CCDC171: variants seen among roughly 807,000 people sequenced by gnomAD.
The protein encoded by CCDC171 is coiled-coil domain containing 171, also known as coiled-coil domain-containing protein 171.
Under a neutral mutation model 168.2 loss-of-function variants are expected in CCDC171, and 177 were observed. The ratio of observed to expected loss-of-function variants is 1.05; its 90% CI spans 0.93 to 1.19. The LOEUF is 1.19. Among genes scored for constraint, CCDC171 ranks in the 50% most tolerant of loss-of-function variants. CCDC171 has a pLI of 0.00. For synonymous variants in CCDC171, 687 were observed against 540.8 expected (o/e 1.27, Z -3.75); for missense variants, 1,991 against 1,539.0 (o/e 1.29, Z -4.91).
chr9:15,944,823 C>G (rs1231452989), intron 25 of CCDC171, among the ~76,000 whole-genome samples: 1 of 33,776 alleles, frequency 3.0e-5, no homozygotes, highest in African/African-American at 9.3e-5. Flanking sequence ...GGTTAGAATT[C>G]TTTTTCTTTC....
intron 7 of CCDC171, among the ~76,000 whole-genome samples, chr9:15,650,935 C>A (rs1288029603): frequency 6.6e-6 from 1 of 152,076 alleles, no homozygotes; most frequent in East Asian, 1.9e-4. Flanking sequence ...CCCTACTCTG[C>A]TATCTAACTT....
chr9:15,599,506 G>A (rs898270375), intron 6 of CCDC171, among the ~76,000 whole-genome samples: 2 of 152,134 alleles, frequency 1.3e-5, no homozygotes, highest in African/African-American at 2.4e-5. Flanking sequence ...TAGATTTTCT[G>A]CCGAGAGATC....
intron 6 of CCDC171, among the ~76,000 whole-genome samples, chr9:15,597,309 A>T (rs951755807): frequency 1.3e-5 from 2 of 152,080 alleles, no homozygotes; most frequent in Admixed American, 6.6e-5. Context: ...TATTATTTTG[A>T]GATACGTCCC....
intron 21 of CCDC171, among the ~76,000 whole-genome samples, chr9:15,836,288 G>A (rs1563839523): frequency 6.6e-6 from 1 of 152,170 alleles, no homozygotes; most frequent in African/African-American, 2.4e-5. Flanking sequence ...TGCTTCATAT[G>A]TCCATACCCC....
chr9:15,587,166 A>T (rs2041631126), intron 4 of CCDC171, among the ~76,000 whole-genome samples: 1 of 151,824 alleles, frequency 6.6e-6, no homozygotes, highest in South Asian at 2.1e-4. Context: ...GGATTTCTAC[A>T]CTCTATGCCG....
At chr9:15,702,235 A>G (rs2051809681) in intron 11 of CCDC171, among the ~76,000 whole-genome samples, 2 of 152,104 alleles carry the variant, frequency 1.3e-5, no homozygotes, top group African/African-American at 4.8e-5. Context: ...GAGCTGTTCC[A>G]ACTTGTCATC....
intron 11 of CCDC171, among the ~76,000 whole-genome samples, chr9:15,699,132 G>C (rs1237563835): frequency 2.0e-5 from 3 of 152,204 alleles, no homozygotes; most frequent in East Asian, 1.9e-4. Flanking sequence ...TGTTCCTTCT[G>C]GTGTTCAGAT....
At chr9:15,803,488 A>C (rs1478321210) in intron 21 of CCDC171, among the ~76,000 whole-genome samples, 1 of 152,080 alleles carries the variant, frequency 6.6e-6, no homozygotes, top group East Asian at 1.9e-4. Flanking sequence ...ATGGCTACCC[A>C]GTTCTCCCAG....
At position 15,835,124 on chromosome 9, in the gene CCDC171, G is replaced by A. The variant is rs189851097; in HGVS notation, c.3268-11578G>A. 1.8e-4 allele frequency among the ~76,000 whole-genome samples: 27 copies of A among 152,226 alleles called. No individual in the cohort carries two copies. The East Asian group carries it at 5.0e-3, about 28-fold the overall frequency. On this transcript the variant is annotated intron_variant, in intron 21 of 25. Coordinates refer to ENST00000380701, the MANE Select transcript of CCDC171 (RefSeq NM_173550.4). ...TTTGACAAAATCCTGGGAATCAGAT[G>A]GATATGTATTATGATGTGACTATTA...
intron 18 of CCDC171, among the ~76,000 whole-genome samples, chr9:15,774,195 G>A (rs1223994870): frequency 1.5e-5 from 2 of 132,898 alleles, no homozygotes; most frequent in African/African-American, 2.8e-5. Flanking sequence ...GCAGTGACCC[G>A]AGATCTCATC....
chr9:15,799,774 C>T (rs898805932), intron 21 of CCDC171, among the ~76,000 whole-genome samples: 1 of 152,014 alleles, frequency 6.6e-6, no homozygotes, highest in South Asian at 2.1e-4. Context: ...ACATTCCCCA[C>T]TACTCTTCTC....
At chr9:15,878,816 G>C (rs949801755) in intron 24 of CCDC171, among the ~76,000 whole-genome samples, 1 of 152,142 alleles carries the variant, frequency 6.6e-6, no homozygotes, top group South Asian at 2.1e-4. Flanking sequence ...ACGAGATCAT[G>C]TTTTTTGTGG....
At chr9:15,599,789 C>G (rs1046383141) in intron 6 of CCDC171, among the ~76,000 whole-genome samples, 6 of 152,162 alleles carry the variant, frequency 3.9e-5, no homozygotes, top group African/African-American at 1.4e-4. Flanking sequence ...GTACACCCAT[C>G]AGACGTAGAT....
In CCDC171 at chr9:15,805,712, C is replaced by G. The variant is rs57232765; in HGVS notation, c.3267+21018C>G. Among the ~76,000 whole-genome samples, 1,092 of 152,146 alleles carry G rather than the reference C, an allele frequency of 7.2e-3. 9 individuals are homozygous for G. The highest frequency in any genetic ancestry group is 0.025 in the African/African-American group (1,038 of 41,538). On this transcript the variant is annotated intron_variant, in intron 21 of 25. Coordinates refer to ENST00000380701, the MANE Select transcript of CCDC171 (RefSeq NM_173550.4). ...TAAGTGCTGTGTGGAGATGAGAAGA[C>G]TGTATATTCTGTTGTTTTTGGGTGA...
At chr9:15,960,048 A>C (rs1198051489) in intron 25 of CCDC171, among the ~76,000 whole-genome samples, 1 of 152,168 alleles carries the variant, frequency 6.6e-6, no homozygotes. Context: ...TGGGGAATCC[A>C]CAGGGGTGTT....
At chr9:15,862,693 C>T (rs1294881508) in intron 23 of CCDC171, among the ~76,000 whole-genome samples, 1 of 151,618 alleles carries the variant, frequency 6.6e-6, no homozygotes, top group East Asian at 1.9e-4. Flanking sequence ...CCAGAGAAGA[C>T]CTTCACCAAT....
chr9:15,756,189 G>A (rs2056102797), intron 18 of CCDC171, among the ~76,000 whole-genome samples: 1 of 151,894 alleles, frequency 6.6e-6, no homozygotes, highest in African/African-American at 2.4e-5. Flanking sequence ...AACATAGAGA[G>A]GATTTACTTT....
At chr9:15,940,703 A>G (rs1028949190) in intron 25 of CCDC171, among the ~76,000 whole-genome samples, 1 of 151,894 alleles carries the variant, frequency 6.6e-6, no homozygotes, top group African/African-American at 2.4e-5. Context: ...TTGAAGGGAT[A>G]TGCTCCTAAT....
intron 7 of CCDC171, among the ~76,000 whole-genome samples, chr9:15,624,250 A>G (rs1055464782): frequency 6.6e-6 from 1 of 152,160 alleles, no homozygotes; most frequent in Non-Finnish European, 1.5e-5. Flanking sequence ...GAAATTATTG[A>G]CACTAGTAAA....
Sources: gnomAD v4.1 joint callset for allele counts (sites outside exome capture counted in the v4.1 genomes callset) on GRCh38, gnomAD v4.1.1 for gene constraint, MANE v1.5 for transcripts, NCBI Gene and HGNC (gene_info 2026-07-23, HGNC 2026-07-21) for gene names.